The following JAK1 variants were observed in gnomAD, a reference collection of about 807,000 sequenced individuals.
JAK1 encodes tyrosine-protein kinase JAK1.
In JAK1, 16 loss-of-function variants were observed where a neutral mutation model predicts 136.6. The observed-to-expected ratio is 0.12, with a 90% CI of 0.08 to 0.18. JAK1 has a LOEUF of 0.18. Among genes scored for constraint, JAK1 ranks in the 10% least tolerant of loss-of-function variants. The pLI, the probability that JAK1 is intolerant of heterozygous loss-of-function variation, is 1.00. For synonymous variants in JAK1, 492 were observed against 519.5 expected (o/e 0.95, Z 0.72); for missense variants, 859 against 1,450.1 (o/e 0.59, Z 6.62).
intron 1 of JAK1, among the ~76,000 whole-genome samples, chr1:65,064,257 G>A (rs1279466412): frequency 6.6e-6 from 1 of 152,146 alleles, no homozygotes; most frequent in African/African-American, 2.4e-5. Context: ...TTAAAATTGA[G>A]CTCTTCCTCA....
chr1:64,932,175 G>C (rs1032824934), intron 1 of JAK1, among the ~76,000 whole-genome samples: 2 of 149,282 alleles, frequency 1.3e-5, no homozygotes, highest in Non-Finnish European at 3.0e-5. Flanking sequence ...AGAACGTTGG[G>C]GGGCCGAGGT....
chr1:64,837,682 A>G (rs1238163513), intron 22 of JAK1, among the ~76,000 whole-genome samples: 1 of 152,232 alleles, frequency 6.6e-6, no homozygotes, highest in Non-Finnish European at 1.5e-5. Flanking sequence ...GCTGGTGGTT[A>G]GATTTCTTTC....
chr1:65,055,327 C>T (rs2100872027), intron 1 of JAK1, among the ~76,000 whole-genome samples: 2 of 152,278 alleles, frequency 1.3e-5, no homozygotes, highest in South Asian at 4.1e-4. Flanking sequence ...TAGCATATGT[C>T]AGAATTTCCT....
intron 1 of JAK1, among the ~76,000 whole-genome samples, chr1:64,915,487 C>T (rs969890312): frequency 3.3e-5 from 5 of 152,250 alleles, no homozygotes; most frequent in East Asian, 3.9e-4. Flanking sequence ...AGAAAGAGGG[C>T]CAGAGAAAGG....
chr1:65,015,972 G>A (rs999119494), intron 2 of JAK1, among the ~76,000 whole-genome samples: 2 of 152,134 alleles, frequency 1.3e-5, no homozygotes, highest in African/African-American at 2.4e-5. Context: ...ATGTATGAAC[G>A]AAATGTGGTA....
intron 22 of JAK1, 122 bp from the exon 23 acceptor site, chr1:64,836,337 G>A (rs1654476227): frequency 5.8e-6 from 4 of 689,730 alleles, no homozygotes; most frequent in Non-Finnish European, 2.6e-6. Flanking sequence ...ATCTGACTGT[G>A]TATTATATAT....
rs1211363285 is a variant in JAK1 at position 64,944,678 on chromosome 1, A to G, written c.-78+21655T>C. The stretch of plus-strand genomic sequence containing the variant: ...ACTACTGAAAGATGTTACAATAGTC[A>G]TGATACACTAGCAAATGGAAAAAAA... On this transcript the variant is annotated intron_variant, in intron 1 of 24. Coordinates refer to ENST00000342505, the MANE Select transcript of JAK1 (RefSeq NM_002227.4). 2.0e-5 allele frequency among the ~76,000 whole-genome samples: 3 copies of G among 152,204 alleles called. No homozygotes were observed. The East Asian group carries it at 5.8e-4, about 29-fold the overall frequency.
At chr1:64,853,796 C>A (rs970409803) in intron 11 of JAK1, among the ~76,000 whole-genome samples, 3 of 152,128 alleles carry the variant, frequency 2.0e-5, no homozygotes, top group Admixed American at 2.0e-4. Context: ...GCATTATTCA[C>A]GCTGACTCCG....
chr1:64,844,904 G>A lies in JAK1; in HGVS notation c.2116-15C>T, dbSNP rs137864059. On this transcript the variant is annotated splice_polypyrimidine_tract_variant and intron_variant, in intron 15 of 24. Transcript: ENST00000342505. The surrounding 1 kb of genome is among the most constrained non-coding windows in gnomAD (Gnocchi z 5.7). ...TCTTTATCCTCCTGCAGAGTAAAAA[G>A]GTCAAGTTTAGCCAAGCTGCTCCTT... 3.0e-5 allele frequency: 49 copies of A among 1,614,058 alleles called. No individual in the cohort carries two copies. The East Asian group carries it at 1.0e-3, about 35-fold the overall frequency.
intron 2 of JAK1, among the ~76,000 whole-genome samples, chr1:65,020,441 C>A (rs1424114169): frequency 6.6e-6 from 1 of 152,130 alleles, no homozygotes; most frequent in African/African-American, 2.4e-5. Context: ...TTCTCAGCAT[C>A]ATTGTTCTGA....
At position 64,867,067 on chromosome 1, in the gene JAK1, C is replaced by A; in HGVS notation, c.789G>T (p.Thr263=). 2 of 1,614,202 alleles carry A rather than the reference C, an allele frequency of 1.2e-6. No homozygotes were observed. Among genetic ancestry groups the A allele is most frequent in the Non-Finnish European group, 1.7e-6 (2 of 1,180,014 alleles). ...CCAAGTATTTCACCTTCAGGTCATG[C>A]GTGGACACGCTGCTGTCACAAATGG... ...NKTICDSSVS[T]HDLKVKYLAT... is the part of the protein sequence containing the mutation. Residue 263 remains threonine, a synonymous_variant, in exon 7 of 25, where the codon ACG becomes ACT. Transcript: ENST00000342505.
chr1:64,838,916 C>T (rs1031961678), intron 20 of JAK1, among the ~76,000 whole-genome samples: 11 of 151,782 alleles, frequency 7.2e-5, no homozygotes, highest in South Asian at 2.1e-4. Flanking sequence ...GAGGCCGAGG[C>T]GGGCGGATCA....
At chr1:64,865,150 G>A (rs958932118) in intron 7 of JAK1, among the ~76,000 whole-genome samples, 178 bp from the exon 8 acceptor site, 5 of 152,208 alleles carry the variant, frequency 3.3e-5, no homozygotes, top group Admixed American at 6.5e-5. Context: ...AAAGAACTGG[G>A]TTGTATCAGG....
chr1:65,049,022 T>C (rs1484011130), intron 1 of JAK1, among the ~76,000 whole-genome samples: 5 of 152,190 alleles, frequency 3.3e-5, no homozygotes, highest in East Asian at 1.9e-4. Flanking sequence ...ATTTCTAGAA[T>C]TGGAAGTCCC....
upstream of JAK1, among the ~76,000 whole-genome samples, chr1:64,970,819 G>C (rs1469940472): frequency 6.7e-6 from 1 of 150,268 alleles, no homozygotes; most frequent in Non-Finnish European, 1.5e-5. Flanking sequence ...AGACACAATA[G>C]TGTAAAACAA....
rs2101113048 is a variant in JAK1 at position 64,866,808 on chromosome 1, A to G, written c.990+58T>C. 3 of 1,289,154 alleles carry G rather than the reference A, an allele frequency of 2.3e-6. No homozygotes were observed. The East Asian group carries it at 7.0e-5, about 30-fold the overall frequency. 79.9% of individuals were successfully genotyped at this position (1,289,154 alleles called of 1,614,324 possible). On this transcript the variant is annotated intron_variant, in intron 7 of 24. Transcript: ENST00000342505. ...GACAGATGACTCCAGAAGGATAAAC[A>G]GCATACGCTATGTGACACGGGAATG...
intron 2 of JAK1, among the ~76,000 whole-genome samples, chr1:65,037,933 T>C (rs746846576): frequency 1.1e-4 from 17 of 152,162 alleles, no homozygotes; most frequent in Non-Finnish European, 2.2e-4. Context: ...GCCCACCCTC[T>C]GCTTGAACAA....
intron 2 of JAK1, among the ~76,000 whole-genome samples, chr1:65,011,314 A>C (rs938759261): frequency 5.3e-5 from 8 of 152,044 alleles, no homozygotes. Flanking sequence ...CATCTCTACA[A>C]AAAATGGAAA....
chr1:64,953,446 A>G (rs576311577), intron 1 of JAK1, among the ~76,000 whole-genome samples: 1 of 152,228 alleles, frequency 6.6e-6, no homozygotes, highest in African/African-American at 2.4e-5. Flanking sequence ...TTTTCATAAC[A>G]CCACATCTGG....
Sources: gnomAD v4.1 joint callset for allele counts (sites outside exome capture counted in the v4.1 genomes callset) on GRCh38, gnomAD v4.1.1 for gene constraint, Gnocchi (gnomAD v3.1) non-coding constraint, MANE v1.5 for transcripts, NCBI Gene and HGNC (gene_info 2026-07-23, HGNC 2026-07-21) for gene names.